The following TMOD3 variants were observed in gnomAD, a reference collection of about 807,000 sequenced individuals.
TMOD3 encodes the protein tropomodulin 3.
A neutral mutation model predicts 39.2 loss-of-function variants in TMOD3; 20 were observed. The ratio of observed to expected loss-of-function variants is 0.51; its 90% confidence interval spans 0.36 to 0.74. TMOD3 has a LOEUF of 0.74. TMOD3 is among the 30% of genes least tolerant of loss of function. The pLI is 0.00. For synonymous variants in TMOD3, 143 were observed against 145.8 expected, an observed-to-expected ratio of 0.98 and a Z score of 0.14; for missense variants, 381 against 412.8, an observed-to-expected ratio of 0.92 and a Z score of 0.67.
At chr15:51,895,063 T>A (rs1037202138) in intron 6 of TMOD3, among the ~76,000 whole-genome samples, 1 of 152,120 alleles carries the variant, frequency 6.6e-6, no homozygotes, top group Non-Finnish European at 1.5e-5. Flanking sequence ...TTTTAAAACT[T>A]GATTTTTTTG....
chr15:51,886,263 G>A (rs1351538830), intron 3 of TMOD3, among the ~76,000 whole-genome samples: 1 of 152,036 alleles, frequency 6.6e-6, no homozygotes, highest in Admixed American at 6.5e-5. Flanking sequence ...CCCAGACGGG[G>A]TGGCGGCCGG....
At chr15:51,850,283 T>G (rs917189598) in intron 1 of TMOD3, among the ~76,000 whole-genome samples, 1 of 152,154 alleles carries the variant, frequency 6.6e-6, no homozygotes, top group African/African-American at 2.4e-5. Context: ...AAATGTATAC[T>G]GGAACCCTTG....
intron 8 of TMOD3, among the ~76,000 whole-genome samples, 156 bp from the exon 9 acceptor site, chr15:51,901,736 A>G (rs763958662): frequency 6.6e-6 from 1 of 152,248 alleles, no homozygotes; most frequent in Middle Eastern, 3.4e-3. Flanking sequence ...TCAGTTACAA[A>G]TCAGTACTTG....
At chr15:51,859,420 T>C (rs1207173164) in intron 1 of TMOD3, 2 of 673,930 alleles carry the variant, frequency 3.0e-6, no homozygotes, top group African/African-American at 3.6e-5. Flanking sequence ...GGATTCTTGC[T>C]GTTTTCAAAC....
intron 7 of TMOD3, among the ~76,000 whole-genome samples, chr15:51,898,801 TTC>T (rs927598428): frequency 1.3e-5 from 2 of 152,170 alleles, no homozygotes; most frequent in Admixed American, 6.5e-5. Context: ...TTGTTCTTTT[TTC>T]TCTCTCTTTC....
At chr15:51,882,825 A>T (rs933195875) in intron 3 of TMOD3, among the ~76,000 whole-genome samples, 1 of 152,188 alleles carries the variant, frequency 6.6e-6, no homozygotes, top group African/African-American at 2.4e-5. Flanking sequence ...TATAAAAAAA[A>T]AACAACTGAG....
In TMOD3 at chr15:51,910,513, T is replaced by C. The variant is rs1173009243; in HGVS notation, c.*1703T>C. 1 of 152,204 alleles carries C rather than the reference T, an allele frequency of 6.6e-6. No individual in the cohort carries two copies. Among genetic ancestry groups the C allele is most frequent in the African/African-American group, 2.4e-5 (1 of 41,430 alleles). The allele number at this position is 152,204 out of a possible 1,614,324, so 9.4% of individuals were successfully genotyped here. On this transcript the variant is annotated 3_prime_UTR_variant, in exon 10 of 10. Coordinates refer to ENST00000308580, the MANE Select transcript of TMOD3 (RefSeq NM_014547.5). ...ATTGCTTGAACCTGGGAGATGGAGA[T>C]TGCAGTGAGCTGAGATCGTACCACT...
chr15:51,909,090 A>G lies in TMOD3; in HGVS notation c.*280A>G, dbSNP rs1216731569. 1.4e-5 allele frequency: 4 copies of G among 293,318 alleles called. No individual in the cohort carries two copies. Among genetic ancestry groups the G allele is most frequent in the Non-Finnish European group, 6.3e-6 (1 of 159,978 alleles). The allele number at this position is 293,318 out of a possible 1,614,324, so 18.2% of individuals were successfully genotyped here. A position where few individuals can be genotyped will look rare whatever the true frequency, so the allele number is the denominator to read the frequency against. On this transcript the variant is annotated 3_prime_UTR_variant, in exon 10 of 10. Coordinates refer to ENST00000308580, the MANE Select transcript of TMOD3 (RefSeq NM_014547.5). ...AAAATACAACTGTAAAAAATTTCAC[A>G]GGTCATTTGTGTAGAATAATTTGAA...
chr15:51,886,222 A>G (rs893520135), intron 3 of TMOD3, among the ~76,000 whole-genome samples: 8 of 142,572 alleles, frequency 5.6e-5, no homozygotes, highest in Non-Finnish European at 1.2e-4. Context: ...ATCCCAGACG[A>G]TGGGCAGCCA....
intron 1 of TMOD3, chr15:51,859,101 A>G (rs1408093175): frequency 1.8e-6 from 1 of 544,462 alleles, no homozygotes; most frequent in African/African-American, 1.9e-5. Flanking sequence ...ATCGATGAAC[A>G]AATTACAAAA....
rs191255908 is a variant in TMOD3 at position 51,890,319 on chromosome 15, C to A, written c.496+1174C>A. ...GAGTATCTAGGATTTGACAGGTGCA[C>A]GCCACCTTGTCCAGCTAATTTTTTT... On this transcript the variant is annotated intron_variant, in intron 5 of 9. Transcript: ENST00000308580. Among the ~76,000 whole-genome samples the A allele has an allele frequency of 4.2e-3, 634 of 150,262 alleles. 4 individuals carry two copies. Among genetic ancestry groups the A allele is most frequent in the Non-Finnish European group, 6.5e-3 (439 of 67,692 alleles).
intron 3 of TMOD3, among the ~76,000 whole-genome samples, chr15:51,878,373 T>A (rs1036091059): frequency 7.5e-6 from 1 of 132,674 alleles, no homozygotes; most frequent in Non-Finnish European, 1.6e-5. Context: ...CTCTTTAAAA[T>A]ATATGTGTGT....
intron 1 of TMOD3, among the ~76,000 whole-genome samples, chr15:51,854,404 G>C (rs2056377901): frequency 6.6e-6 from 1 of 152,174 alleles, no homozygotes; most frequent in African/African-American, 2.4e-5. Flanking sequence ...TTGGGCCAGA[G>C]AGCAATATGA....
intron 3 of TMOD3, among the ~76,000 whole-genome samples, chr15:51,881,464 GT>G (rs1432927830): frequency 7.0e-6 from 1 of 143,162 alleles, no homozygotes; most frequent in Non-Finnish European, 1.5e-5. Flanking sequence ...ATTTATCTGT[GT>G]TTCTTTTGTT....
At chr15:51,872,623 T>A (rs551424932) in intron 3 of TMOD3, among the ~76,000 whole-genome samples, 1 of 150,304 alleles carries the variant, frequency 6.7e-6, no homozygotes, top group South Asian at 2.1e-4. Context: ...TTGGTTTGGT[T>A]TTTAGAGATG....
chr15:51,891,540 T>TG (rs1182153329), intron 5 of TMOD3, among the ~76,000 whole-genome samples: 1 of 152,178 alleles, frequency 6.6e-6, no homozygotes, highest in African/African-American at 2.4e-5. Flanking sequence ...GTAGGCAGCC[T>TG]GACCCATCCT....
chr15:51,851,569 A>T lies in TMOD3; in HGVS notation c.-74-11242A>T, dbSNP rs187117353. Among the ~76,000 whole-genome samples, 1,373 of 152,316 alleles carry T rather than the reference A, an allele frequency of 9.0e-3. 12 individuals are homozygous for T. The highest frequency in any genetic ancestry group is 0.011 in the Non-Finnish European group (769 of 68,026). On this transcript the variant is annotated intron_variant, in intron 1 of 9. Coordinates refer to ENST00000308580, the MANE Select transcript of TMOD3 (RefSeq NM_014547.5). ...GTTCATAAACTGTCATATTAGGACCATTCACAATGTGGATCTCAAAACAGA... is the reference window on the plus strand; with the variant it reads ...GTTCATAAACTGTCATATTAGGACCTTTCACAATGTGGATCTCAAAACAGA...
chr15:51,860,266 A>G (rs1421077159), intron 1 of TMOD3: 2 of 520,890 alleles, frequency 3.8e-6, no homozygotes, highest in Non-Finnish European at 7.7e-6. Flanking sequence ...GAAAGCAGTG[A>G]CACATGAAAT....
chr15:51,889,840 G>A (rs925681991), intron 5 of TMOD3, among the ~76,000 whole-genome samples: 1 of 152,098 alleles, frequency 6.6e-6, no homozygotes, highest in Non-Finnish European at 1.5e-5. Context: ...CTCGAGCCTG[G>A]GCAACAGTGC....
Sources: allele counts gnomAD v4.1 joint callset (sites outside exome capture counted in the v4.1 genomes callset), GRCh38; gene constraint gnomAD v4.1.1; transcripts MANE v1.5; gene names NCBI Gene and HGNC (gene_info 2026-07-23, HGNC 2026-07-21).